The following FDFT1 variants were observed in gnomAD, a reference collection of about 807,000 sequenced individuals.
FDFT1 encodes the protein squalene synthase.
Under a neutral mutation model 46.8 loss-of-function variants are expected in FDFT1, and 68 were observed. The observed-to-expected ratio is 1.45, with a 90% CI of 1.19 to 1.78. FDFT1 has a LOEUF of 1.78. FDFT1 is among the 40% of genes most tolerant of loss of function. The pLI, the probability that FDFT1 is intolerant of heterozygous loss-of-function variation, is 0.00. For missense variants in FDFT1, 928 were observed against 524.4 expected, an observed-to-expected ratio of 1.77 and a Z score of -7.52; for synonymous variants, 351 against 185.1, an observed-to-expected ratio of 1.90 and a Z score of -7.28.
chr8:11,834,464 C>T (rs1811271714), intron 7 of FDFT1, among the ~76,000 whole-genome samples: 2 of 152,192 alleles, frequency 1.3e-5, no homozygotes, highest in Non-Finnish European at 2.9e-5. Flanking sequence ...CCTGTGCCCT[C>T]CTGTGGTTAA....
chr8:11,822,233 C>T (rs1413307916), intron 4 of FDFT1, among the ~76,000 whole-genome samples: 1 of 152,198 alleles, frequency 6.6e-6, no homozygotes, highest in African/African-American at 2.4e-5. Context: ...CTCATCACTT[C>T]TGTGGAAGTA....
intron 7 of FDFT1, among the ~76,000 whole-genome samples, chr8:11,834,329 G>A (rs151059712): frequency 1.3e-5 from 2 of 152,348 alleles, no homozygotes; most frequent in Non-Finnish European, 2.9e-5. Context: ...CAGCTGGGGA[G>A]AAGATCAACC....
intron 3 of FDFT1, among the ~76,000 whole-genome samples, chr8:11,820,973 C>G (rs1237273287): frequency 1.3e-5 from 2 of 152,330 alleles, no homozygotes; most frequent in African/African-American, 4.8e-5. Flanking sequence ...AGCTGTAGAC[C>G]AGAGCTGTTC....
chr8:11,821,263 C>A (rs1038917393), intron 3 of FDFT1, among the ~76,000 whole-genome samples: 1 of 152,126 alleles, frequency 6.6e-6, no homozygotes, highest in African/African-American at 2.4e-5. Flanking sequence ...ATTTTTAGAC[C>A]ATTCTATTTT....
chr8:11,818,453 C>G (rs113500152), intron 3 of FDFT1, among the ~76,000 whole-genome samples: 66 of 152,262 alleles, frequency 4.3e-4, no homozygotes, highest in African/African-American at 1.6e-3. Context: ...CTAATATTGA[C>G]AGTGGGATGT....
intron 5 of FDFT1, among the ~76,000 whole-genome samples, chr8:11,828,758 A>G (rs1810362539): frequency 6.6e-6 from 1 of 152,248 alleles, no homozygotes; most frequent in Non-Finnish European, 1.5e-5. Flanking sequence ...TAGTTGAATC[A>G]TGCCAAATGT....
chr8:11,827,822 C>G (rs1165528458), intron 5 of FDFT1, among the ~76,000 whole-genome samples: 1 of 151,914 alleles, frequency 6.6e-6, no homozygotes. Flanking sequence ...AGGAAGATCA[C>G]TGAAGCCAGG....
intron 3 of FDFT1, among the ~76,000 whole-genome samples, chr8:11,820,295 A>G (rs532567228): frequency 3.3e-5 from 5 of 152,278 alleles, no homozygotes; most frequent in Admixed American, 6.5e-5. Context: ...GTCAGGCTAC[A>G]TGGGGCTCAG....
At chr8:11,821,652 GC>G in intron 3 of FDFT1, 97 bp from the exon 4 acceptor site, 1 of 1,366,738 alleles carries the variant, frequency 7.3e-7, no homozygotes, top group South Asian at 1.2e-5. Flanking sequence ...ATGAACCATT[GC>G]AGTCATGATT....
rs1322128609 is a variant in FDFT1, at chr8:11,810,094, C to G, written c.381+244C>G. On this transcript the variant is annotated intron_variant, in intron 3 of 7. Transcript: ENST00000220584. ...ACTCTCTGTGCCTCAGTTTCTTCAT[C>G]TGTAAAATAGGGGTAATAATAACAC... 11 of 465,798 alleles carry G rather than the reference C, an allele frequency of 2.4e-5. No individual in the cohort carries two copies. In the South Asian group the frequency reaches 3.2e-4, roughly 13 times the overall value. 28.9% of individuals were successfully genotyped at this position (465,798 alleles called of 1,614,324 possible). A position where few individuals can be genotyped will look rare whatever the true frequency, so the allele number is the denominator to read the frequency against.
upstream of FDFT1, chr8:11,802,552 C>G: frequency 1.7e-6 from 1 of 587,024 alleles, no homozygotes; most frequent in Non-Finnish European, 3.2e-6. Flanking sequence ...AGTGTTATCA[C>G]GCCAGTCTCC....
At chr8:11,797,762 G>A (rs558001143), upstream of FDFT1, among the ~76,000 whole-genome samples, 1 of 152,160 alleles carries the variant, frequency 6.6e-6, no homozygotes, top group East Asian at 1.9e-4. Flanking sequence ...AGCTGTAATG[G>A]AGGCGTGGCA....
At chr8:11,808,623 C>A in intron 1 of FDFT1, 171 bp from the exon 2 acceptor site, 2 of 1,390,738 alleles carry the variant, frequency 1.4e-6, no homozygotes, top group Non-Finnish European at 9.3e-7. Flanking sequence ...CACCGCCCCG[C>A]GGGGCTGCTG....
At chr8:11,833,857 A>G (rs1463576486) in intron 7 of FDFT1, among the ~76,000 whole-genome samples, 2 of 152,240 alleles carry the variant, frequency 1.3e-5, no homozygotes, top group African/African-American at 2.4e-5. Context: ...AACTCAAGGC[A>G]TTAGGGGAGA....
chr8:11,824,843 C>T (rs972000876), intron 4 of FDFT1, among the ~76,000 whole-genome samples: 1 of 152,174 alleles, frequency 6.6e-6, no homozygotes, highest in African/African-American at 2.4e-5. Context: ...TCACGCCATT[C>T]TCCTGCCTTA....
chr8:11,804,934 G>GC (rs1272534894), intron 1 of FDFT1, among the ~76,000 whole-genome samples: 4 of 144,428 alleles, frequency 2.8e-5, no homozygotes, highest in South Asian at 2.2e-4. Context: ...TTGAGGGGGG[G>GC]GTCTCACTCC....
intron 4 of FDFT1, among the ~76,000 whole-genome samples, chr8:11,824,929 G>T (rs540604526): frequency 1.1e-4 from 17 of 152,072 alleles, no homozygotes; most frequent in African/African-American, 3.9e-4. Flanking sequence ...TAGAGACGGG[G>T]TTTCACCGTC....
Position 11,838,750 on chromosome 8 carries a change from G to GT in FDFT1, c.*142dup. On this transcript the variant is annotated 3_prime_UTR_variant, in exon 8 of 8. Coordinates refer to ENST00000220584, the MANE Select transcript of FDFT1 (RefSeq NM_004462.5). ...CTGTGTGGCTGGGACCTTTAGGAAA[G>GT]TGAAATGCAGGTGAGAAGAACCTAA... The GT allele has an allele frequency of 1.4e-6, 1 of 706,052 alleles. No homozygotes were observed. The allele number at this position is 706,052 out of a possible 1,614,324, so 43.7% of individuals were successfully genotyped here. A position where few individuals can be genotyped will look rare whatever the true frequency, so the allele number is the denominator to read the frequency against.
At chr8:11,810,968 G>A (rs1044113434) in intron 3 of FDFT1, among the ~76,000 whole-genome samples, 2 of 149,414 alleles carry the variant, frequency 1.3e-5, no homozygotes, top group South Asian at 2.1e-4. Flanking sequence ...AGGAATGTTT[G>A]GGGAAGACTC....
Sources: gnomAD v4.1 joint callset for allele counts (sites outside exome capture counted in the v4.1 genomes callset) on GRCh38, gnomAD v4.1.1 for gene constraint, MANE v1.5 for transcripts, NCBI Gene and HGNC (gene_info 2026-07-23, HGNC 2026-07-21) for gene names.